The following SPEM3 variants were observed in gnomAD, a reference collection of about 807,000 sequenced individuals.
SPEM3 encodes the protein uncharacterized protein SPEM3.
rs1298285322 is a variant in SPEM3 at position 7,431,662 on chromosome 17, CA to C, written c.2495del (p.Lys832ArgfsTer3). 1 of 398,486 alleles carries C rather than the reference CA, an allele frequency of 2.5e-6. No individual in the cohort carries two copies. Among genetic ancestry groups the C allele is most frequent in the African/African-American group, 2.1e-5 (1 of 48,598 alleles). The allele number at this position is 398,486 out of a possible 1,614,324, so 24.7% of individuals were successfully genotyped here. A position where few individuals can be genotyped will look rare whatever the true frequency, so the allele number is the denominator to read the frequency against. ...NQDLSQATDH[Q>X]KNLGSSKDSG... ...AGATCTCTCCCAAGCAACTGACCAC[CA>C]AAAGAACCTAGGCTCTTCTAAAGAT... On this transcript the variant is annotated frameshift_variant, in exon 3 of 3. Coordinates refer to ENST00000636696, the MANE Select transcript of SPEM3 (RefSeq NM_001364708.1). LOFTEE classifies it low-confidence loss of function (END_TRUNC).
rs1907829968 is a variant in SPEM3, at chr17:7,431,449, A to AAGAACAC, written c.2281_2287dup (p.Gly763GlufsTer12). ...CATTACTCAAGATTCCCACCCCCAAAAGAACACAGGTCTGACTCAAGAAGC... is the reference window on the plus strand; with the variant it reads ...CATTACTCAAGATTCCCACCCCCAAAAGAACACAGAACACAGGTCTGACTCAAGAAGC... On this transcript the variant is annotated frameshift_variant, in exon 3 of 3. Coordinates refer to ENST00000636696, the MANE Select transcript of SPEM3 (RefSeq NM_001364708.1). LOFTEE classifies it low-confidence loss of function (END_TRUNC). 2 of 398,372 alleles carry AAGAACAC rather than the reference A, an allele frequency of 5.0e-6. No individual in the cohort carries two copies. Among genetic ancestry groups the AAGAACAC allele is most frequent in the Non-Finnish European group, 8.8e-6 (2 of 226,050 alleles). The allele number at this position is 398,372 out of a possible 1,614,324, so 24.7% of individuals were successfully genotyped here. A position where few individuals can be genotyped will look rare whatever the true frequency, so the allele number is the denominator to read the frequency against.
Position 7,430,919 on chromosome 17 carries a change from C to T in SPEM3, c.1748C>T (p.Ala583Val). 2.5e-6 allele frequency: 1 copy of T among 398,686 alleles called. No individual in the cohort carries two copies. The highest frequency in any genetic ancestry group is 3.6e-5 in the East Asian group (1 of 28,080). 24.7% of individuals were successfully genotyped at this position (398,686 alleles called of 1,614,324 possible). ...AKTCFHSATT[A>V]QSSVCTLPPP... ...ACTTGCTTTCATTCTGCAACCACTG[C>T]CCAGAGCTCAGTGTGCACCCTTCCT... The change falls in exon 3 of 3, where the codon GCC becomes GTC. Residue 583 changes from alanine (A) to valine (V), a missense_variant. Transcript: ENST00000636696.
At position 7,429,731 on chromosome 17, in the gene SPEM3, G is replaced by A; in HGVS notation, c.560G>A (p.Cys187Tyr). Residue 187 changes from cysteine to tyrosine, a missense_variant, in exon 3 of 3, where the codon TGC becomes TAC. Cys to Tyr is a radical substitution (Grantham distance 194). Transcript: ENST00000636696. This position sits in a 1 kb window ranked among gnomAD's most constrained non-coding sequence, Gnocchi z 4.9. ...ATGAGCAAGTTGGACACGGGTCCAT[G>A]CCACCTGCCCCAAGAGAGCAAGACT... Reference protein sequence around the residue: ...PKMSKLDTGPCHLPQESKTKT... With the variant: ...PKMSKLDTGPYHLPQESKTKT... 2.5e-6 allele frequency: 1 copy of A among 399,248 alleles called. No individual in the cohort carries two copies. Among genetic ancestry groups the A allele is most frequent in the Non-Finnish European group, 4.4e-6 (1 of 226,604 alleles). The allele number at this position is 399,248 out of a possible 1,614,324, so 24.7% of individuals were successfully genotyped here. A position where few individuals can be genotyped will look rare whatever the true frequency, so the allele number is the denominator to read the frequency against.
rs1292645239 is a variant in SPEM3 at position 7,429,280 on chromosome 17, A to G, written c.196+33A>G. 1 of 398,388 alleles carries G rather than the reference A, an allele frequency of 2.5e-6. No individual in the cohort carries two copies. The highest frequency in any genetic ancestry group is 4.4e-6 in the Non-Finnish European group (1 of 226,060). The allele number at this position is 398,388 out of a possible 1,614,324, so 24.7% of individuals were successfully genotyped here. ...GGCCCCTGTATGGGCTCCCAGGGAT[A>G]TGGGCCTGTCCCCTTTCTCCTATCC... On this transcript the variant is annotated intron_variant, in intron 2 of 2. Transcript: ENST00000636696. This position sits in a 1 kb window ranked among gnomAD's most constrained non-coding sequence, Gnocchi z 4.9.
rs934214866 is a variant in SPEM3 at position 7,431,319 on chromosome 17, T to C, written c.2148T>C (p.Leu716=). ...QDPGLHENPG[L]APNQGLHEFP... ...CAGGCCTCCACGAGAACCCAGGTCT[T>C]GCTCCAAATCAAGGCCTACATGAGT... The change falls in exon 3 of 3, where the codon CTT becomes CTC. Residue 716 remains leucine, a synonymous_variant. Coordinates refer to ENST00000636696, the MANE Select transcript of SPEM3 (RefSeq NM_001364708.1). 1 of 398,536 alleles carries C rather than the reference T, an allele frequency of 2.5e-6. No individual in the cohort carries two copies. Among genetic ancestry groups the C allele is most frequent in the Non-Finnish European group, 4.4e-6 (1 of 226,074 alleles). 24.7% of individuals were successfully genotyped at this position (398,536 alleles called of 1,614,324 possible). A position where few individuals can be genotyped will look rare whatever the true frequency, so the allele number is the denominator to read the frequency against.
At position 7,431,145 on chromosome 17, in the gene SPEM3, A is replaced by G. The variant is rs1907818839; in HGVS notation, c.1974A>G (p.Gln658=). 2 of 398,322 alleles carry G rather than the reference A, an allele frequency of 5.0e-6. No individual in the cohort carries two copies. Among genetic ancestry groups the G allele is most frequent in the Admixed American group, 4.4e-5 (1 of 22,674 alleles). The allele number at this position is 398,322 out of a possible 1,614,324, so 24.7% of individuals were successfully genotyped here. The stretch of plus-strand genomic sequence containing the variant: ...TTTCCCAACCCCTGATCCAACCCCA[A>G]TGCCCTGAATGTCATGAGAGTCTAG... ...ATISQPLIQP[Q]CPECHESLGL... is the part of the protein sequence containing the mutation. Residue 658 remains glutamine, a synonymous_variant, in exon 3 of 3, where the codon CAA becomes CAG. Coordinates refer to ENST00000636696, the MANE Select transcript of SPEM3 (RefSeq NM_001364708.1).
chr17:7,429,854 G>A lies in SPEM3; in HGVS notation c.683G>A (p.Arg228His), dbSNP rs1176391120. The A allele has an allele frequency of 9.2e-6, 3 of 324,484 alleles. No homozygotes were observed. Among genetic ancestry groups the A allele is most frequent in the East Asian group, 8.8e-5 (2 of 22,834 alleles). 20.1% of individuals were successfully genotyped at this position (324,484 alleles called of 1,614,324 possible). A position where few individuals can be genotyped will look rare whatever the true frequency, so the allele number is the denominator to read the frequency against. Residue 228 changes from arginine (R) to histidine (H), a missense_variant, in exon 3 of 3, where the codon CGC becomes CAC. By Grantham distance (29) the Arg-to-His change is conservative. Transcript: ENST00000636696. This position sits in a 1 kb window ranked among gnomAD's most constrained non-coding sequence, Gnocchi z 4.9. ...TGCACCCCAACCCACCCCTGGACCC[G>A]CTCCACGGACCACACCGCTGTGCAC... ...PVCTPTHPWT[R>H]STDHTAVHTP...
In SPEM3 at chr17:7,431,703, G is replaced by T; in HGVS notation, c.2532G>T (p.Lys844Asn). Residue 844 changes from lysine (K) to asparagine (N), a missense_variant, in exon 3 of 3, where the codon AAG becomes AAT. Transcript: ENST00000636696. ...CTTCTAAAGATTCTGGAGGTCACAA[G>T]AATACAGGCAATGTCCAAGATCCAG... ...LGSSKDSGGH[K>N]NTGNVQDPGV... 2.5e-6 allele frequency: 1 copy of T among 398,622 alleles called. No homozygotes were observed. The highest frequency in any genetic ancestry group is 4.4e-6 in the Non-Finnish European group (1 of 226,066). The allele number at this position is 398,622 out of a possible 1,614,324, so 24.7% of individuals were successfully genotyped here.
chr17:7,430,813 A>T lies in SPEM3; in HGVS notation c.1642A>T (p.Ser548Cys), dbSNP rs1339983229. The T allele has an allele frequency of 2.5e-6, 1 of 398,504 alleles. No homozygotes were observed. 24.7% of individuals were successfully genotyped at this position (398,504 alleles called of 1,614,324 possible). A position where few individuals can be genotyped will look rare whatever the true frequency, so the allele number is the denominator to read the frequency against. ...CCCTTACTGCAGCTTCCATCCTTGC[A>T]GTTCTGAGAAGAACACAGACTCCCA... ...TSPYCSFHPCSSEKNTDSQAP... is the reference protein window; with the variant it reads ...TSPYCSFHPCCSEKNTDSQAP... The change falls in exon 3 of 3, where the codon AGT becomes TGT. Residue 548 changes from serine to cysteine, a missense_variant. Physicochemically the swap from Ser to Cys is moderately radical, Grantham distance 112. Coordinates refer to ENST00000636696, the MANE Select transcript of SPEM3 (RefSeq NM_001364708.1).
At position 7,429,882 on chromosome 17, in the gene SPEM3, C is replaced by G. The variant is rs967607262; in HGVS notation, c.711C>G (p.Thr237=). 7.3e-6 allele frequency: 3 copies of G among 409,818 alleles called. No homozygotes were observed. Among genetic ancestry groups the G allele is most frequent in the African/African-American group, 6.2e-5 (3 of 48,558 alleles). 25.4% of individuals were successfully genotyped at this position (409,818 alleles called of 1,614,324 possible). The part of the protein sequence containing the change: ...TRSTDHTAVH[T]PAHSWTHSKA... ...CCACGGACCACACCGCTGTGCACACCCCTGCCCACTCCTGGACCCACTCCA... is the reference window on the plus strand; with the variant it reads ...CCACGGACCACACCGCTGTGCACACGCCTGCCCACTCCTGGACCCACTCCA... The change falls in exon 3 of 3, where the codon ACC becomes ACG. Residue 237 remains threonine, a synonymous_variant. Coordinates refer to ENST00000636696, the MANE Select transcript of SPEM3 (RefSeq NM_001364708.1). The surrounding 1 kb of genome is among the most constrained non-coding windows in gnomAD (Gnocchi z 4.9).
Position 7,430,020 on chromosome 17 carries a change from C to T in SPEM3, c.849C>T (p.His283=), listed in dbSNP as rs568270831. The T allele has an allele frequency of 1.4e-5, 6 of 421,440 alleles. No homozygotes were observed. The South Asian group carries it at 4.5e-4, about 31-fold the overall frequency. 26.1% of individuals were successfully genotyped at this position (421,440 alleles called of 1,614,324 possible). A position where few individuals can be genotyped will look rare whatever the true frequency, so the allele number is the denominator to read the frequency against. Residue 283 remains histidine, a synonymous_variant, in exon 3 of 3, where the codon CAC becomes CAT. Transcript: ENST00000636696. The part of the protein sequence containing the change: ...PAQTPAHIQA[H]TPAPTPAKAS... ...AGACGCCAGCCCACATCCAAGCTCACACCCCAGCCCCTACACCGGCCAAGG... is the reference window on the plus strand; with the variant it reads ...AGACGCCAGCCCACATCCAAGCTCATACCCCAGCCCCTACACCGGCCAAGG...
Position 7,431,477 on chromosome 17 carries a change from G to A in SPEM3, c.2306G>A (p.Gly769Asp), listed in dbSNP as rs138304775. ...AACACAGGTCTGACTCAAGAAGCTG[G>A]TATCCTTAGGAGCCCATGTCTCACC... ...QKNTGLTQEA[G>D]ILRSPCLTQS... Residue 769 changes from glycine to aspartate, a missense_variant, in exon 3 of 3, where the codon GGT becomes GAT. Gly to Asp is a moderately conservative substitution (Grantham distance 94). Coordinates refer to ENST00000636696, the MANE Select transcript of SPEM3 (RefSeq NM_001364708.1). 7.5e-6 allele frequency: 3 copies of A among 398,438 alleles called. No individual in the cohort carries two copies. The highest frequency in any genetic ancestry group is 7.1e-5 in the East Asian group (2 of 28,088). The allele number at this position is 398,438 out of a possible 1,614,324, so 24.7% of individuals were successfully genotyped here. A position where few individuals can be genotyped will look rare whatever the true frequency, so the allele number is the denominator to read the frequency against.
rs1048872815 is a variant in SPEM3 at position 7,428,870 on chromosome 17, C to T, written c.-33C>T. 1.3e-5 allele frequency: 5 copies of T among 398,512 alleles called. No individual in the cohort carries two copies. The highest frequency in any genetic ancestry group is 4.1e-5 in the African/African-American group (2 of 48,626). The allele number at this position is 398,512 out of a possible 1,614,324, so 24.7% of individuals were successfully genotyped here. A position where few individuals can be genotyped will look rare whatever the true frequency, so the allele number is the denominator to read the frequency against. On this transcript the variant is annotated 5_prime_UTR_variant, in exon 1 of 3. Transcript: ENST00000636696. ...CTTGCTCCTAGTGACTGTGTGAGGG[C>T]CGGGGGCCTAGGCAGTCCTGGGACC...
In SPEM3 at chr17:7,430,588, A is replaced by G; in HGVS notation, c.1417A>G (p.Arg473Gly). 2 of 398,820 alleles carry G rather than the reference A, an allele frequency of 5.0e-6. No homozygotes were observed. Among genetic ancestry groups the G allele is most frequent in the Non-Finnish European group, 8.8e-6 (2 of 226,198 alleles). The allele number at this position is 398,820 out of a possible 1,614,324, so 24.7% of individuals were successfully genotyped here. A position where few individuals can be genotyped will look rare whatever the true frequency, so the allele number is the denominator to read the frequency against. ...MSSPQNPEYS[R>G]KDLATLFRPQ... is the part of the protein sequence containing the mutation. ...CAGCCCCCAGAACCCTGAGTATTCA[A>G]GAAAAGACTTGGCTACCCTCTTCAG... The change falls in exon 3 of 3, where the codon AGA becomes GGA. Residue 473 changes from arginine (R) to glycine (G), a missense_variant. Physicochemically the swap from Arg to Gly is moderately radical, Grantham distance 125 (BLOSUM62 -2). Coordinates refer to ENST00000636696, the MANE Select transcript of SPEM3 (RefSeq NM_001364708.1).
Position 7,430,214 on chromosome 17 carries a change from A to C in SPEM3, c.1043A>C (p.Glu348Ala). 2.4e-6 allele frequency: 1 copy of C among 411,688 alleles called. No homozygotes were observed. Among genetic ancestry groups the C allele is most frequent in the Admixed American group, 4.4e-5 (1 of 22,722 alleles). 25.5% of individuals were successfully genotyped at this position (411,688 alleles called of 1,614,324 possible). The change falls in exon 3 of 3, where the codon GAG becomes GCG. Residue 348 changes from glutamate (E) to alanine (A), a missense_variant. Transcript: ENST00000636696. ...VPAHPQAHAP[E>A]YTSAHAPAYI... ...GCCCACCCCCAGGCCCATGCCCCTG[A>C]GTACACCTCAGCCCATGCCCCAGCG...
At position 7,429,914 on chromosome 17, in the gene SPEM3, G is replaced by T; in HGVS notation, c.743G>T (p.Arg248Leu). Residue 248 changes from arginine (R) to leucine (L), a missense_variant, in exon 3 of 3, where the codon CGC (arginine) becomes CTC (leucine). Arg to Leu is a moderately radical substitution (Grantham distance 102, BLOSUM62 -2). Transcript: ENST00000636696. The surrounding 1 kb of genome is among the most constrained non-coding windows in gnomAD (Gnocchi z 4.9). ...CACTCCTGGACCCACTCCAAAGCCCGCACCCCTGAGGGCACCCACTCCCAG... is the reference window on the plus strand; with the variant it reads ...CACTCCTGGACCCACTCCAAAGCCCTCACCCCTGAGGGCACCCACTCCCAG... ...PAHSWTHSKA[R>L]TPEGTHSQAQ... The T allele has an allele frequency of 2.5e-6, 1 of 407,706 alleles. No homozygotes were observed. The highest frequency in any genetic ancestry group is 4.3e-6 in the Non-Finnish European group (1 of 232,694). 25.3% of individuals were successfully genotyped at this position (407,706 alleles called of 1,614,324 possible).
At position 7,432,812 on chromosome 17, in the gene SPEM3, C is replaced by A. The variant is rs1035973191; in HGVS notation, c.*50C>A. On this transcript the variant is annotated 3_prime_UTR_variant, in exon 3 of 3. Coordinates refer to ENST00000636696, the MANE Select transcript of SPEM3 (RefSeq NM_001364708.1). The surrounding 1 kb of genome is among the most constrained non-coding windows in gnomAD (Gnocchi z 4.1). ...CAAAAGTGCATCAGGAATAAAGAGG[C>A]GAGAGAAATGTTCTGTGTTTGTTTG... 2 of 398,012 alleles carry A rather than the reference C, an allele frequency of 5.0e-6. No individual in the cohort carries two copies. Among genetic ancestry groups the A allele is most frequent in the Non-Finnish European group, 8.8e-6 (2 of 226,052 alleles). The allele number at this position is 398,012 out of a possible 1,614,324, so 24.7% of individuals were successfully genotyped here. A position where few individuals can be genotyped will look rare whatever the true frequency, so the allele number is the denominator to read the frequency against.
Position 7,432,142 on chromosome 17 carries a change from C to T in SPEM3, c.2971C>T (p.Gln991Ter), listed in dbSNP as rs1051199802. 8 of 398,596 alleles carry T rather than the reference C, an allele frequency of 2.0e-5. No individual in the cohort carries two copies. Among genetic ancestry groups the T allele is most frequent in the Admixed American group, 4.4e-5 (1 of 22,718 alleles). The allele number at this position is 398,596 out of a possible 1,614,324, so 24.7% of individuals were successfully genotyped here. ...PGPHKDPALVQDSGLPKISGL... is the reference protein window; with the variant it reads ...PGPHKDPALV ...CCCCCATAAAGACCCAGCCCTTGTCCAAGACTCTGGCCTCCCCAAGATTTC... is the reference window on the plus strand; with the variant it reads ...CCCCCATAAAGACCCAGCCCTTGTCTAAGACTCTGGCCTCCCCAAGATTTC... The change falls in exon 3 of 3, where the codon CAA becomes TAA. Residue 991 changes from glutamine (Q) to a stop codon, truncating the protein, a stop_gained. Coordinates refer to ENST00000636696, the MANE Select transcript of SPEM3 (RefSeq NM_001364708.1). LOFTEE classifies it low-confidence loss of function (END_TRUNC). The surrounding 1 kb of genome is among the most constrained non-coding windows in gnomAD (Gnocchi z 4.1).
rs1310969244 is a variant in SPEM3 at position 7,429,296 on chromosome 17, T to A, written c.196+49T>A. ...CCCAGGGATATGGGCCTGTCCCCTT[T>A]CTCCTATCCCTGGCCCAGTTCTTAG... is the stretch of plus-strand genomic sequence containing the variant. On this transcript the variant is annotated intron_variant, in intron 2 of 2. Coordinates refer to ENST00000636696, the MANE Select transcript of SPEM3 (RefSeq NM_001364708.1). This position sits in a 1 kb window ranked among gnomAD's most constrained non-coding sequence, Gnocchi z 4.9. The A allele has an allele frequency of 5.0e-6, 2 of 398,392 alleles. No individual in the cohort carries two copies. Among genetic ancestry groups the A allele is most frequent in the Non-Finnish European group, 8.8e-6 (2 of 226,030 alleles). 24.7% of individuals were successfully genotyped at this position (398,392 alleles called of 1,614,324 possible). A position where few individuals can be genotyped will look rare whatever the true frequency, so the allele number is the denominator to read the frequency against.
Sources: allele counts gnomAD v4.1 joint callset, GRCh38; gene constraint gnomAD v4.1.1; non-coding constraint Gnocchi (gnomAD v3.1); transcripts MANE v1.5; gene names NCBI Gene and HGNC (gene_info 2026-07-23, HGNC 2026-07-21).